Variants in DPYD observed in about 807,000 individuals in gnomAD.
DPYD encodes the protein dihydropyrimidine dehydrogenase [NADP(+)].
In DPYD, 109 loss-of-function variants were observed where a neutral mutation model predicts 116.2. That is an observed-to-expected ratio of 0.94 (90% confidence interval 0.80 to 1.10). The LOEUF is 1.10. Ranked by LOEUF, DPYD falls within the 50% of genes least tolerant of loss-of-function variation. The pLI, the probability that DPYD is intolerant of heterozygous loss-of-function variation, is 0.00. For synonymous variants in DPYD, 440 were observed against 432.0 expected (o/e 1.02, Z -0.23); for missense variants, 1,302 against 1,254.5 (o/e 1.04, Z -0.57).
At chr1:97,677,766 G>A (rs1660223522) in intron 8 of DPYD, among the ~76,000 whole-genome samples, 1 of 151,944 alleles carries the variant, frequency 6.6e-6, no homozygotes, top group Non-Finnish European at 1.5e-5. Context: ...ATAATTTTTT[G>A]CCTAAATAAA....
At chr1:97,525,181 T>C (rs1648961170) in intron 12 of DPYD, among the ~76,000 whole-genome samples, 1 of 152,198 alleles carries the variant, frequency 6.6e-6, no homozygotes, top group South Asian at 2.1e-4. Flanking sequence ...CTTTGCTTCA[T>C]GTCTCAGTCT....
chr1:97,458,758 C>T (rs924007520), intron 13 of DPYD, among the ~76,000 whole-genome samples: 1 of 152,130 alleles, frequency 6.6e-6, no homozygotes, highest in Non-Finnish European at 1.5e-5. Context: ...GAATCTTAAC[C>T]TGTGTGAGCC....
At chr1:97,328,647 G>T in intron 16 of DPYD, among the ~76,000 whole-genome samples, 1 of 152,094 alleles carries the variant, frequency 6.6e-6, no homozygotes, top group South Asian at 2.1e-4. Flanking sequence ...TATTTGAAAA[G>T]TATCAATAGT....
At chr1:97,664,302 ATGTG>A (rs1260488971) in intron 8 of DPYD, among the ~76,000 whole-genome samples, 4 of 151,780 alleles carry the variant, frequency 2.6e-5, no homozygotes, top group African/African-American at 9.7e-5. Context: ...GGGCATATAT[ATGTG>A]TGTGTATGTG....
At chr1:97,746,082 A>T (rs982583776) in intron 3 of DPYD, among the ~76,000 whole-genome samples, 1 of 152,106 alleles carries the variant, frequency 6.6e-6, no homozygotes, top group African/African-American at 2.4e-5. Flanking sequence ...GGAGTTTTAC[A>T]GTATCACATA....
intron 20 of DPYD, among the ~76,000 whole-genome samples, chr1:97,126,743 T>G (rs555900478): frequency 6.6e-6 from 1 of 152,296 alleles, no homozygotes; most frequent in South Asian, 2.1e-4. Flanking sequence ...TCAAATACAT[T>G]CGTTGAGTAA....
At chr1:97,748,204 T>C (rs779342010) in intron 3 of DPYD, among the ~76,000 whole-genome samples, 13 of 148,174 alleles carry the variant, frequency 8.8e-5, no homozygotes, top group Non-Finnish European at 1.8e-4. Flanking sequence ...GACGCCTTCT[T>C]AGATAGAGAA....
intron 4 of DPYD, among the ~76,000 whole-genome samples, chr1:97,726,705 T>C (rs528706063): frequency 2.4e-4 from 37 of 151,294 alleles, no homozygotes; most frequent in African/African-American, 8.7e-4. Context: ...TAAGGATACT[T>C]GGGGTAAGGA....
At chr1:97,528,288 C>G (rs1649299927) in intron 12 of DPYD, among the ~76,000 whole-genome samples, 1 of 152,130 alleles carries the variant, frequency 6.6e-6, no homozygotes, top group African/African-American at 2.4e-5. Flanking sequence ...AAATTTCCTT[C>G]TGATATAAAA....
intron 11 of DPYD, among the ~76,000 whole-genome samples, chr1:97,562,906 G>C (rs1467008515): frequency 6.6e-6 from 1 of 151,974 alleles, no homozygotes; most frequent in Non-Finnish European, 1.5e-5. Context: ...TTTCAGTAGA[G>C]ACAGGGTTTC....
Position 97,760,986 on chromosome 1 carries a change from G to A in DPYD, c.234-20507C>T, listed in dbSNP as rs554577569. ...TATAAAACCGTATGCCAAAGAGAAA[G>A]GAGGAATCCAACACAGATGTAGCTT... On this transcript the variant is annotated intron_variant, in intron 3 of 22. Transcript: ENST00000370192. 1.0e-3 allele frequency among the ~76,000 whole-genome samples: 156 copies of A among 152,186 alleles called. 1 individual carries two copies. The highest frequency in any genetic ancestry group is 3.2e-3 in the African/African-American group (134 of 41,522).
intron 15 of DPYD, among the ~76,000 whole-genome samples, chr1:97,374,712 G>A (rs570623153): frequency 3.2e-4 from 25 of 78,448 alleles, no homozygotes; most frequent in Non-Finnish European, 6.4e-5. Flanking sequence ...GCAAGACTCC[G>A]TCTCAGAAAA....
At chr1:97,643,449 G>T (rs1658053869) in intron 8 of DPYD, among the ~76,000 whole-genome samples, 2 of 152,152 alleles carry the variant, frequency 1.3e-5, no homozygotes, top group South Asian at 4.1e-4. Flanking sequence ...ATTCTGGAGA[G>T]GATGTGGAGA....
At chr1:97,539,383 T>C (rs1431283416) in intron 12 of DPYD, among the ~76,000 whole-genome samples, 1 of 152,166 alleles carries the variant, frequency 6.6e-6, no homozygotes, top group African/African-American at 2.4e-5. Context: ...ATTTCTTGCC[T>C]ATATTTAAAA....
intron 13 of DPYD, among the ~76,000 whole-genome samples, chr1:97,514,775 T>G (rs1216069843): frequency 6.6e-6 from 1 of 151,846 alleles, no homozygotes; most frequent in Non-Finnish European, 1.5e-5. Flanking sequence ...ACATTGCATC[T>G]TGTAAAGCTG....
At chr1:97,851,294 A>T (rs1335206795) in intron 2 of DPYD, among the ~76,000 whole-genome samples, 2 of 148,904 alleles carry the variant, frequency 1.3e-5, no homozygotes, top group African/African-American at 2.5e-5. Flanking sequence ...TTTATTTAAT[A>T]CTCTTATTCA....
At chr1:97,795,196 C>T (rs1667504572) in intron 3 of DPYD, among the ~76,000 whole-genome samples, 1 of 151,970 alleles carries the variant, frequency 6.6e-6, no homozygotes, top group Non-Finnish European at 1.5e-5. Flanking sequence ...GAAAAATTTA[C>T]ATGAGAAAAT....
rs183601661 is a variant in DPYD, at chr1:97,349,507, C to G, written c.2058+24054G>C. Among the ~76,000 whole-genome samples, 1,315 of 152,208 alleles carry G rather than the reference C, an allele frequency of 8.6e-3. 12 individuals carry two copies. The highest frequency in any genetic ancestry group is 0.03 in the African/African-American group (1,261 of 41,528). On this transcript the variant is annotated intron_variant, in intron 16 of 22. Transcript: ENST00000370192. The stretch of plus-strand genomic sequence containing the variant: ...GCTATCCCTCGCCCCTGCCCCCACC[C>G]CACAACAGGCCCTGGTGTGTGATGT...
intron 20 of DPYD, among the ~76,000 whole-genome samples, chr1:97,164,477 A>T (rs1033090255): frequency 2.0e-5 from 3 of 152,166 alleles, no homozygotes; most frequent in African/African-American, 4.8e-5. Flanking sequence ...GGAAGAGAGG[A>T]AGTGAAACTA....
Sources: gnomAD v4.1 joint callset for allele counts (sites outside exome capture counted in the v4.1 genomes callset) on GRCh38, gnomAD v4.1.1 for gene constraint, MANE v1.5 for transcripts, NCBI Gene and HGNC (gene_info 2026-07-23, HGNC 2026-07-21) for gene names.